Variants in MYBPH observed in about 807,000 individuals in gnomAD.
MYBPH encodes myosin-binding protein H.
In MYBPH, 49 loss-of-function variants were observed where a neutral mutation model predicts 53.6. That is an observed-to-expected ratio of 0.91 (90% confidence interval 0.73 to 1.16). The LOEUF is 1.16. Among genes scored for constraint, MYBPH ranks in the 50% most tolerant of loss-of-function variants. The pLI, the probability that MYBPH is intolerant of heterozygous loss-of-function variation, is 0.00. For missense variants in MYBPH, 558 were observed against 624.1 expected, an observed-to-expected ratio of 0.89 and a Z score of 1.13; for synonymous variants, 239 against 249.6, an observed-to-expected ratio of 0.96 and a Z score of 0.40.
At chr1:203,174,212 C>T in intron 3 of MYBPH, 1 of 727,426 alleles carries the variant, frequency 1.4e-6, no homozygotes, top group South Asian at 6.2e-5. Flanking sequence ...GGGGGCTGGA[C>T]CACTCAGGGA....
At chr1:203,168,169 G>A in intron 10 of MYBPH, 78 bp from the exon 11 acceptor site, 1 of 227,014 alleles carries the variant, frequency 4.4e-6, no homozygotes. Context: ...GAGTGGGGAG[G>A]GGGAGCAGCA....
At chr1:203,170,871 C>T (rs535618076) in intron 6 of MYBPH, among the ~76,000 whole-genome samples, 190 bp downstream of exon 6, 1 of 152,372 alleles carries the variant, frequency 6.6e-6, no homozygotes, top group South Asian at 2.1e-4. Context: ...CAGCCCTCTT[C>T]ACAGTCTTCA....
intron 1 of MYBPH, 38 bp downstream of exon 1, chr1:203,175,513 G>T: frequency 6.2e-7 from 1 of 1,612,422 alleles, no homozygotes; most frequent in Non-Finnish European, 8.5e-7. Context: ...CCCCTGACAT[G>T]CCTGCCTCCC....
intron 3 of MYBPH, among the ~76,000 whole-genome samples, chr1:203,173,930 T>C (rs1655750302): frequency 6.6e-6 from 1 of 152,250 alleles, no homozygotes; most frequent in Non-Finnish European, 1.5e-5. Context: ...GTATGCCCTC[T>C]GCAATGGAGA....
upstream of MYBPH, among the ~76,000 whole-genome samples, chr1:203,178,769 C>T (rs1655864653): frequency 6.6e-6 from 1 of 152,238 alleles, no homozygotes; most frequent in African/African-American, 2.4e-5. Context: ...GGACGCTGGC[C>T]TCCCACTGGG....
chr1:203,172,184 G>T, intron 3 of MYBPH, 144 bp from the exon 4 acceptor site: 1 of 442,944 alleles, frequency 2.3e-6, no homozygotes, highest in Non-Finnish European at 3.8e-6. Flanking sequence ...GTCCCTCCTT[G>T]CAGGAAGGGT....
chr1:203,168,709 A>T (rs1655633706), intron 9 of MYBPH, 34 bp from the exon 10 acceptor site: 20 of 1,570,830 alleles, frequency 1.3e-5, no homozygotes, highest in Non-Finnish European at 1.7e-5. Context: ...GCTTGGGGGA[A>T]GTGGCGGGGA....
At chr1:203,172,599 G>A (rs953896728) in intron 3 of MYBPH, among the ~76,000 whole-genome samples, 4 of 152,192 alleles carry the variant, frequency 2.6e-5, no homozygotes, top group Non-Finnish European at 4.4e-5. Context: ...GCCAGGGCGG[G>A]TATCCCCCCT....
chr1:203,175,157 C>T (rs1655780208), intron 2 of MYBPH, among the ~76,000 whole-genome samples, 170 bp downstream of exon 2: 1 of 151,286 alleles, frequency 6.6e-6, no homozygotes, highest in Non-Finnish European at 1.5e-5. Context: ...TCTTGCTCTC[C>T]TGCTGGTGGA....
chr1:203,176,140 A>G (rs1348710265), upstream of MYBPH, among the ~76,000 whole-genome samples: 1 of 152,186 alleles, frequency 6.6e-6, no homozygotes, highest in African/African-American at 2.4e-5. Flanking sequence ...CTGGAGAATG[A>G]GCCCAGCTCA....
At position 203,171,062 on chromosome 1, in the gene MYBPH, CCT is replaced by C. The variant is rs770684634; in HGVS notation, c.930_931del (p.Gly311AlafsTer18). The C allele has an allele frequency of 2.9e-5, 46 of 1,585,874 alleles. No individual in the cohort carries two copies. The highest frequency in any genetic ancestry group is 3.9e-5 in the Non-Finnish European group (46 of 1,167,836). On this transcript the variant is annotated frameshift_variant and splice_region_variant, in exon 6 of 11. Coordinates refer to ENST00000255416, the MANE Select transcript of MYBPH (RefSeq NM_004997.3). LOFTEE classifies it high-confidence loss of function. The surrounding 1 kb of genome is among the most constrained non-coding windows in gnomAD (Gnocchi z 4.2). ...CCACTTTGCCTCAGCCAGCCTCACC[CCT>C]GTCTTTTTGTCTGCCTTCTGCACCA... is the stretch of plus-strand genomic sequence containing the variant.
Position 203,168,659 on chromosome 1 carries a change from T to C in MYBPH, c.1434A>G (p.Ter478TrpextTer7), listed in dbSNP as rs199980167. Residue 478 changes from the stop codon to tryptophan, a stop_lost, in exon 10 of 11, where the codon TGA becomes TGG. Coordinates refer to ENST00000255416, the MANE Select transcript of MYBPH (RefSeq NM_004997.3). ...CTCATCACAGCCTCCTCCCGTGACT[T>C]CAGTGTGCGGCTGAGGCTGGAAGAG... ...RLEVKASAAH[*>W] 2 of 1,499,222 alleles carry C rather than the reference T, an allele frequency of 1.3e-6. No homozygotes were observed. The highest frequency in any genetic ancestry group is 1.8e-6 in the Non-Finnish European group (2 of 1,118,792). The allele number at this position is 1,499,222 out of a possible 1,614,324, so 92.9% of individuals were successfully genotyped here.
At chr1:203,169,414 T>G (rs1472497185) in intron 7 of MYBPH, 25 bp from the exon 8 acceptor site, 1 of 1,554,106 alleles carries the variant, frequency 6.4e-7, no homozygotes, top group African/African-American at 1.4e-5. Flanking sequence ...GAAAGTCGGG[T>G]GCATCTGAGC....
In MYBPH at chr1:203,175,400, C is replaced by A. The variant is rs752842982; in HGVS notation, c.267G>T (p.Val89=). Residue 89 remains valine (V), a synonymous_variant, in exon 2 of 11, where the codon GTG becomes GTT. Transcript: ENST00000255416. ...LDDVSSSSVT[V]SWEPPERLGR... Reference sequence around the variant, plus strand: ...CCAGCCTCTCTGGGGGCTCCCAGCTCACAGTCACAGAGCTGCTGCTCACAT... The same window carrying A: ...CCAGCCTCTCTGGGGGCTCCCAGCTAACAGTCACAGAGCTGCTGCTCACAT... 1.9e-6 allele frequency: 3 copies of A among 1,542,112 alleles called. No homozygotes were observed. In the Admixed American group the frequency reaches 6.1e-5, roughly 31 times the overall value.
rs1414758318 is a variant in MYBPH at position 203,167,940 on chromosome 1, A to G, written c.*184T>C. 1 of 154,902 alleles carries G rather than the reference A, an allele frequency of 6.5e-6. No individual in the cohort carries two copies. Among genetic ancestry groups the G allele is most frequent in the Non-Finnish European group, 1.4e-5 (1 of 69,698 alleles). 9.6% of individuals were successfully genotyped at this position (154,902 alleles called of 1,614,324 possible). ...GTCTGGCCTGGGGCCTACCAGGCCC[A>G]TTCCTGAGTTCTGGACACCAGCCTC... On this transcript the variant is annotated 3_prime_UTR_variant, in exon 11 of 11. Transcript: ENST00000255416.
intron 10 of MYBPH, 92 bp downstream of exon 10, chr1:203,168,535 T>C: frequency 7.7e-7 from 1 of 1,296,340 alleles, no homozygotes; most frequent in South Asian, 1.3e-5. Flanking sequence ...GACCACCACC[T>C]TCCCTTCTCA....
intron 3 of MYBPH, among the ~76,000 whole-genome samples, chr1:203,172,628 C>T (rs1655722537): frequency 6.6e-6 from 1 of 152,194 alleles, no homozygotes; most frequent in Admixed American, 6.5e-5. Flanking sequence ...TGTCACCCTC[C>T]CAAAATCTGT....
intron 3 of MYBPH, among the ~76,000 whole-genome samples, chr1:203,172,275 T>A (rs976305648): frequency 1.3e-5 from 2 of 152,052 alleles, no homozygotes; most frequent in Non-Finnish European, 2.9e-5. Flanking sequence ...CTCCATGGTG[T>A]GAACTGGTAA....
In MYBPH at chr1:203,169,057, G is replaced by T. The variant is rs1376166418; in HGVS notation, c.1266C>A (p.Ile422=). 1.9e-6 allele frequency: 3 copies of T among 1,613,886 alleles called. No homozygotes were observed. The highest frequency in any genetic ancestry group is 1.1e-5 in the South Asian group (1 of 91,090). ...GGGCGCGGTATTTGGGGTTGCCCTG[G>T]ATCTCCATCTTGTTTTTCATCCAGA... ...KIIWMKNKME[I]QGNPKYRALS... The change falls in exon 9 of 11, where the codon ATC becomes ATA. Residue 422 remains isoleucine, a synonymous_variant. Coordinates refer to ENST00000255416, the MANE Select transcript of MYBPH (RefSeq NM_004997.3).
Sources: allele counts gnomAD v4.1 joint callset (sites outside exome capture counted in the v4.1 genomes callset), GRCh38; gene constraint gnomAD v4.1.1; non-coding constraint Gnocchi (gnomAD v3.1); transcripts MANE v1.5; gene names NCBI Gene and HGNC (gene_info 2026-07-23, HGNC 2026-07-21).